The following CRPPA variants were observed in gnomAD, a reference collection of about 807,000 sequenced individuals.
CRPPA encodes D-ribitol-5-phosphate cytidylyltransferase.
A neutral mutation model predicts 52.0 loss-of-function variants in CRPPA; 43 were observed. The ratio of observed to expected loss-of-function variants is 0.83; its 90% CI spans 0.65 to 1.07. CRPPA has a LOEUF of 1.07. Ranked by LOEUF, CRPPA falls within the 50% of genes least tolerant of loss-of-function variation. CRPPA has a pLI of 0.00. For synonymous variants in CRPPA, 250 were observed against 203.5 expected (o/e 1.23, Z -1.94); for missense variants, 629 against 551.7 (o/e 1.14, Z -1.40).
chr7:16,349,152 C>G (rs116936617), intron 3 of CRPPA, among the ~76,000 whole-genome samples: 19 of 152,252 alleles, frequency 1.2e-4, no homozygotes, highest in Non-Finnish European at 2.2e-4. Context: ...ACACCTAAAC[C>G]TTTTCAGCTA....
intron 3 of CRPPA, among the ~76,000 whole-genome samples, chr7:16,361,948 G>A (rs1020417279): frequency 1.1e-4 from 16 of 152,058 alleles, no homozygotes; most frequent in Admixed American, 3.3e-4. Context: ...TCCACCTCCC[G>A]GGTTCACGCC....
intron 9 of CRPPA, among the ~76,000 whole-genome samples, chr7:16,174,644 A>AT (rs77293398): frequency 0.039 from 5,811 of 149,834 alleles, 339 homozygotes; most frequent in East Asian, 0.3. Flanking sequence ...CCCAGTTCTA[A>AT]TTTTTTTTTT....
intron 9 of CRPPA, among the ~76,000 whole-genome samples, chr7:16,124,347 G>A (rs1782534988): frequency 6.6e-6 from 1 of 151,866 alleles, no homozygotes; most frequent in East Asian, 1.9e-4. Context: ...TTTGAGAAGT[G>A]ACTTTCAGAT....
chr7:16,097,746 G>A (rs561878796), intron 9 of CRPPA, among the ~76,000 whole-genome samples: 1 of 152,266 alleles, frequency 6.6e-6, no homozygotes, highest in South Asian at 2.1e-4. Flanking sequence ...ATCAGGAAAA[G>A]CAGGAGATTT....
rs181099904 is a variant in CRPPA at position 16,258,450 on chromosome 7, C to T, written c.1059G>A (p.Lys353=). Residue 353 remains lysine, a synonymous_variant, in exon 8 of 10, where the codon AAG becomes AAA. Transcript: ENST00000407010. ...VTTSDFQETQ[K]LLSMLEESSL... ...TACTCTCTTCAAGCATGCTCAGTAACTTCTGGGTTTCTTGAAAATCAGAGG... is the reference window on the plus strand; with the variant it reads ...TACTCTCTTCAAGCATGCTCAGTAATTTCTGGGTTTCTTGAAAATCAGAGG... 3,772 of 1,604,880 alleles carry T rather than the reference C, an allele frequency of 2.4e-3. 9 individuals are homozygous for T. The highest frequency in any genetic ancestry group is 3.0e-3 in the Non-Finnish European group (3,539 of 1,175,204).
At chr7:16,199,854 C>CTTTT (rs68003825) in intron 9 of CRPPA, among the ~76,000 whole-genome samples, 8 of 120,106 alleles carry the variant, frequency 6.7e-5, no homozygotes, top group Admixed American at 8.6e-5. Context: ...TAAGCTTTTT[C>CTTTT]TTTTTTTTTT....
chr7:16,317,655 T>C (rs1377120203), intron 3 of CRPPA, among the ~76,000 whole-genome samples: 2 of 152,200 alleles, frequency 1.3e-5, no homozygotes, highest in African/African-American at 2.4e-5. Flanking sequence ...TATTCATCAA[T>C]GGACACAGGG....
chr7:16,259,509 A>G (rs909666138), intron 6 of CRPPA, among the ~76,000 whole-genome samples: 1 of 152,044 alleles, frequency 6.6e-6, no homozygotes, highest in Non-Finnish European at 1.5e-5. Flanking sequence ...TACACAAACT[A>G]TTCCTAAAAC....
At chr7:16,258,101 A>G (rs1378664930) in intron 8 of CRPPA, among the ~76,000 whole-genome samples, 1 of 152,094 alleles carries the variant, frequency 6.6e-6, no homozygotes, top group Non-Finnish European at 1.5e-5. Flanking sequence ...CCAAACAACC[A>G]GTTGACTTAA....
chr7:16,374,365 T>A (rs1456435338), intron 3 of CRPPA, among the ~76,000 whole-genome samples: 3 of 152,154 alleles, frequency 2.0e-5, no homozygotes, highest in Non-Finnish European at 4.4e-5. Context: ...TTCTCTACTT[T>A]TGAGGCTTTT....
intron 3 of CRPPA, among the ~76,000 whole-genome samples, chr7:16,350,401 A>G (rs1349832437): frequency 6.6e-6 from 1 of 152,156 alleles, no homozygotes; most frequent in Non-Finnish European, 1.5e-5. Context: ...ATGTTAAAAA[A>G]CAAAACTATT....
intron 5 of CRPPA, among the ~76,000 whole-genome samples, chr7:16,283,457 A>C (rs930837563): frequency 6.7e-6 from 1 of 150,328 alleles, no homozygotes; most frequent in Non-Finnish European, 1.5e-5. Flanking sequence ...GACACTATAA[A>C]GATGATACTG....
At position 16,293,626 on chromosome 7, in the gene CRPPA, C is replaced by T. The variant is rs145814391; in HGVS notation, c.835+7795G>A. Among the ~76,000 whole-genome samples, 70 of 151,920 alleles carry T rather than the reference C, an allele frequency of 4.6e-4. 1 individual carries two copies. The East Asian group carries it at 6.2e-3, about 13-fold the overall frequency. On this transcript the variant is annotated intron_variant, in intron 5 of 9. Coordinates refer to ENST00000407010, the MANE Select transcript of CRPPA (RefSeq NM_001101426.4). ...AAGGCATTACTACAATATAAATGGACGGAGACAACAAATAAAGACATGCAA... is the reference window on the plus strand; with the variant it reads ...AAGGCATTACTACAATATAAATGGATGGAGACAACAAATAAAGACATGCAA...
chr7:16,359,085 C>T (rs1786377728), intron 3 of CRPPA, among the ~76,000 whole-genome samples: 1 of 152,152 alleles, frequency 6.6e-6, no homozygotes, highest in Non-Finnish European at 1.5e-5. Context: ...AAAATGCTTG[C>T]TTTAATATTA....
intron 6 of CRPPA, among the ~76,000 whole-genome samples, chr7:16,264,336 T>C (rs1043910456): frequency 1.3e-5 from 2 of 152,188 alleles, no homozygotes; most frequent in Admixed American, 6.5e-5. Flanking sequence ...TTAAACAAAA[T>C]TTAAAACAAC....
intron 3 of CRPPA, among the ~76,000 whole-genome samples, chr7:16,309,808 T>A (rs1562623285): frequency 6.6e-6 from 1 of 152,148 alleles, no homozygotes; most frequent in Non-Finnish European, 1.5e-5. Context: ...ATAAAACCTC[T>A]GGGACCCACA....
chr7:16,168,343 A>G (rs534056502), intron 9 of CRPPA, among the ~76,000 whole-genome samples: 1 of 152,300 alleles, frequency 6.6e-6, no homozygotes, highest in East Asian at 1.9e-4. Flanking sequence ...GGGACATATA[A>G]GGAATATGAC....
chr7:16,413,658 T>A (rs1415276168), intron 1 of CRPPA, among the ~76,000 whole-genome samples: 1 of 152,238 alleles, frequency 6.6e-6, no homozygotes, highest in Non-Finnish European at 1.5e-5. Flanking sequence ...CAGAATTTGC[T>A]GTGGTTTTCC....
At chr7:16,281,797 T>C (rs1210829495) in intron 5 of CRPPA, among the ~76,000 whole-genome samples, 1 of 152,234 alleles carries the variant, frequency 6.6e-6, no homozygotes, top group Non-Finnish European at 1.5e-5. Context: ...CTCTATTTTC[T>C]GTCTCAGGTT....
Sources: gnomAD v4.1 joint callset for allele counts (sites outside exome capture counted in the v4.1 genomes callset) on GRCh38, gnomAD v4.1.1 for gene constraint, MANE v1.5 for transcripts, NCBI Gene and HGNC (gene_info 2026-07-23, HGNC 2026-07-21) for gene names.